Variants in SH3RF3 observed in about 807,000 individuals in gnomAD.
The protein encoded by SH3RF3 is SH3 domain containing ring finger 3.
In SH3RF3, 29 loss-of-function variants were observed where a neutral mutation model predicts 66.3. The observed-to-expected ratio is 0.44, with a 90% confidence interval of 0.33 to 0.60. SH3RF3 has a LOEUF of 0.60. Ranked by LOEUF, SH3RF3 falls within the 20% of genes least tolerant of loss-of-function variation. SH3RF3 has a pLI of 0.04. For missense variants in SH3RF3, 1,194 were observed against 1,190.9 expected (o/e 1.00, Z -0.04); for synonymous variants, 583 against 532.0 (o/e 1.10, Z -1.32).
chr2:109,198,493 A>ACCTG lies in SH3RF3; in HGVS notation c.573+68380_573+68381insCCTG, dbSNP rs1678560299. Among the ~76,000 whole-genome samples, 3 of 152,296 alleles carry ACCTG rather than the reference A, an allele frequency of 2.0e-5. No individual in the cohort carries two copies. The South Asian group carries it at 6.2e-4, about 32-fold the overall frequency. ...CTGTCTGAGTTTCTCAGGCTGCTAT[A>ACCTG]ACAAAATACCACACACTGTGTGGCT... On this transcript the variant is annotated intron_variant, in intron 1 of 9. Transcript: ENST00000309415.
intron 3 of SH3RF3, among the ~76,000 whole-genome samples, chr2:109,396,882 T>C (rs1028809710): frequency 1.3e-5 from 2 of 152,274 alleles, no homozygotes; most frequent in African/African-American, 4.8e-5. Flanking sequence ...TTGCCTGCTG[T>C]GGTTCCCACC....
chr2:109,420,703 C>T (rs1232108806), intron 5 of SH3RF3, among the ~76,000 whole-genome samples: 1 of 152,132 alleles, frequency 6.6e-6, no homozygotes, highest in Non-Finnish European at 1.5e-5. Flanking sequence ...CCTTGGCCTC[C>T]CTAAATGCTG....
intron 1 of SH3RF3, among the ~76,000 whole-genome samples, chr2:109,202,165 C>T (rs1678691087): frequency 6.6e-6 from 1 of 152,150 alleles, no homozygotes; most frequent in African/African-American, 2.4e-5. Flanking sequence ...TGTAGATGAA[C>T]ACGGGGAAGA....
At chr2:109,364,954 A>G (rs1683127257) in intron 2 of SH3RF3, among the ~76,000 whole-genome samples, 1 of 152,124 alleles carries the variant, frequency 6.6e-6, no homozygotes, top group Admixed American at 6.5e-5. Context: ...AACTGGGTGT[A>G]GTGGCACACG....
intron 9 of SH3RF3, among the ~76,000 whole-genome samples, chr2:109,500,646 G>A (rs1241127076): frequency 1.3e-5 from 2 of 152,188 alleles, no homozygotes; most frequent in African/African-American, 4.8e-5. Flanking sequence ...GATTTTTGGA[G>A]CACATTTAAA....
chr2:109,479,902 C>G (rs1056409813), intron 8 of SH3RF3, among the ~76,000 whole-genome samples: 18 of 152,148 alleles, frequency 1.2e-4, no homozygotes, highest in African/African-American at 4.3e-4. Flanking sequence ...GCACGAGGAT[C>G]TCCCTGGAGC....
At chr2:109,444,585 T>C (rs1677657360) in intron 7 of SH3RF3, among the ~76,000 whole-genome samples, 1 of 152,172 alleles carries the variant, frequency 6.6e-6, no homozygotes. Context: ...CCAACCCTGG[T>C]CATGGTGCTG....
At chr2:109,163,979 T>TC (rs912344019) in intron 1 of SH3RF3, among the ~76,000 whole-genome samples, 5 of 152,150 alleles carry the variant, frequency 3.3e-5, no homozygotes, top group Non-Finnish European at 7.3e-5. Flanking sequence ...GTCCTTCCCT[T>TC]CCCCCTACAT....
At chr2:109,357,897 C>T (rs909900828) in intron 2 of SH3RF3, among the ~76,000 whole-genome samples, 1 of 152,194 alleles carries the variant, frequency 6.6e-6, no homozygotes, top group Non-Finnish European at 1.5e-5. Context: ...GCATTTGTTA[C>T]AATCAATGAG....
At chr2:109,260,945 G>A (rs939528197) in intron 1 of SH3RF3, among the ~76,000 whole-genome samples, 2 of 152,186 alleles carry the variant, frequency 1.3e-5, no homozygotes, top group African/African-American at 4.8e-5. Context: ...TACAAGCAGT[G>A]AGGCTGGACT....
intron 8 of SH3RF3, among the ~76,000 whole-genome samples, chr2:109,475,592 C>T (rs561567812): frequency 4.3e-4 from 66 of 152,330 alleles, no homozygotes; most frequent in African/African-American, 1.5e-3. Flanking sequence ...CAGGGCTTCT[C>T]AACCTTGGCA....
intron 1 of SH3RF3, among the ~76,000 whole-genome samples, chr2:109,234,746 C>T (rs984114790): frequency 1.1e-4 from 17 of 152,186 alleles, no homozygotes; most frequent in African/African-American, 4.1e-4. Flanking sequence ...GTGGGAGCAG[C>T]ACACACCACG....
intron 1 of SH3RF3, among the ~76,000 whole-genome samples, chr2:109,334,863 C>T (rs1682373396): frequency 6.6e-6 from 1 of 152,212 alleles, no homozygotes; most frequent in Non-Finnish European, 1.5e-5. Flanking sequence ...AGGTGGACTA[C>T]ATATTTGTGG....
At chr2:109,402,538 T>G (rs1676343355) in intron 4 of SH3RF3, among the ~76,000 whole-genome samples, 1 of 152,198 alleles carries the variant, frequency 6.6e-6, no homozygotes, top group African/African-American at 2.4e-5. Flanking sequence ...CCCAGGCTCC[T>G]CGGTGCCTAC....
intron 1 of SH3RF3, among the ~76,000 whole-genome samples, chr2:109,199,391 A>G (rs1574499141): frequency 6.8e-6 from 1 of 146,790 alleles, no homozygotes; most frequent in African/African-American, 2.5e-5. Context: ...AATGGAATGG[A>G]ATGGAATGGA....
In SH3RF3 at chr2:109,503,924, A is replaced by ATG. The variant is rs569350353; in HGVS notation, c.*2255_*2256dup. 165 of 152,278 alleles carry ATG rather than the reference A, an allele frequency of 1.1e-3. 1 individual carries two copies. Among genetic ancestry groups the ATG allele is most frequent in the African/African-American group, 3.9e-3 (160 of 41,532 alleles). The allele number at this position is 152,278 out of a possible 1,614,324, so 9.4% of individuals were successfully genotyped here. The stretch of plus-strand genomic sequence containing the variant: ...GCGAATATCTCCATGTCTTTGGAGG[A>ATG]TGTCAGCTGGCCGCTTTCAGGGCAG... On this transcript the variant is annotated 3_prime_UTR_variant, in exon 10 of 10. Coordinates refer to ENST00000309415, the MANE Select transcript of SH3RF3 (RefSeq NM_001099289.3).
intron 7 of SH3RF3, among the ~76,000 whole-genome samples, chr2:109,445,775 G>C (rs1414568809): frequency 1.3e-5 from 2 of 152,156 alleles, no homozygotes; most frequent in Admixed American, 1.3e-4. Context: ...GCTTGGAGTT[G>C]TGGGAGTTCC....
At chr2:109,434,162 G>A (rs1447786213) in intron 6 of SH3RF3, among the ~76,000 whole-genome samples, 1 of 152,184 alleles carries the variant, frequency 6.6e-6, no homozygotes, top group African/African-American at 2.4e-5. Flanking sequence ...CTAGGTTAGG[G>A]GACTCCCTGA....
chr2:109,256,904 A>G (rs1006822996), intron 1 of SH3RF3, among the ~76,000 whole-genome samples: 3 of 152,036 alleles, frequency 2.0e-5, no homozygotes, highest in Non-Finnish European at 4.4e-5. Flanking sequence ...TGGCATTTTT[A>G]TGTGTTTTTC....
Sources: gnomAD v4.1 joint callset for allele counts (sites outside exome capture counted in the v4.1 genomes callset) on GRCh38, gnomAD v4.1.1 for gene constraint, MANE v1.5 for transcripts, NCBI Gene and HGNC (gene_info 2026-07-23, HGNC 2026-07-21) for gene names.